HNRNPD: variants seen among roughly 807,000 people sequenced by gnomAD.
The protein encoded by HNRNPD is heterogeneous nuclear ribonucleoprotein D0.
HNRNPD carries 3 observed loss-of-function variants against 47.9 expected under a neutral mutation model. That is an observed-to-expected ratio of 0.06 (90% CI 0.03 to 0.16). The LOEUF is 0.16. HNRNPD is among the 10% of genes least tolerant of loss of function. The probability of loss-of-function intolerance (pLI) is 1.00; values close to 1 mark genes in which losing one functional copy is unlikely to be tolerated. For missense variants in HNRNPD, 287 were observed against 454.2 expected (o/e 0.63, Z 3.35); for synonymous variants, 171 against 165.1 (o/e 1.04, Z -0.28).
At chr4:82,360,473 A>T (rs1723916707) in intron 2 of HNRNPD, among the ~76,000 whole-genome samples, 1 of 151,994 alleles carries the variant, frequency 6.6e-6, no homozygotes, top group Non-Finnish European at 1.5e-5. Flanking sequence ...TTTGTACAAA[A>T]ATAAATAAAT....
intron 1 of HNRNPD, 34 bp downstream of exon 1, chr4:82,373,412 T>A: frequency 6.4e-7 from 1 of 1,552,232 alleles, no homozygotes; most frequent in Non-Finnish European, 8.7e-7. Flanking sequence ...GGGGACTAGT[T>A]GGGCCTGACT....
At position 82,357,495 on chromosome 4, in the gene HNRNPD, TAAAAG is replaced by T. The variant is rs765053829; in HGVS notation, c.622-56_622-52del. 3.3e-6 allele frequency: 5 copies of T among 1,503,594 alleles called. No homozygotes were observed. In the African/African-American group the frequency reaches 4.2e-5, roughly 13 times the overall value. 93.1% of individuals were successfully genotyped at this position (1,503,594 alleles called of 1,614,324 possible). ...ATGCTAACATGCATTTTATTGACCT[TAAAAG>T]AAACACAAGTTTAGAGGGGGGAAAA... On this transcript the variant is annotated intron_variant, in intron 4 of 8. Transcript: ENST00000313899.
At chr4:82,369,988 C>CA (rs1560439808) in intron 2 of HNRNPD, among the ~76,000 whole-genome samples, 4 of 152,040 alleles carry the variant, frequency 2.6e-5, no homozygotes, top group Non-Finnish European at 5.9e-5. Flanking sequence ...ACTAAAAATA[C>CA]AAAATTAGCC....
chr4:82,366,811 T>C (rs1220750776), intron 2 of HNRNPD, among the ~76,000 whole-genome samples: 1 of 152,164 alleles, frequency 6.6e-6, no homozygotes, highest in Non-Finnish European at 1.5e-5. Flanking sequence ...TCCACCCATC[T>C]TGGCCTCCCA....
At chr4:82,358,578 CAA>C in intron 4 of HNRNPD, 79 bp downstream of exon 4, 3 of 1,293,770 alleles carry the variant, frequency 2.3e-6, no homozygotes, top group Non-Finnish European at 3.2e-6. Flanking sequence ...TTTGAAAAGC[CAA>C]GTGACTCTGA....
chr4:82,372,809 G>A (rs920047788), intron 1 of HNRNPD, among the ~76,000 whole-genome samples: 2 of 152,192 alleles, frequency 1.3e-5, no homozygotes, highest in African/African-American at 4.8e-5. Context: ...ATGTCAAAAT[G>A]TAGGGCCTGT....
intron 2 of HNRNPD, among the ~76,000 whole-genome samples, chr4:82,370,840 C>G (rs779956868): frequency 2.8e-4 from 43 of 152,212 alleles, no homozygotes; most frequent in Non-Finnish European, 4.4e-4. Flanking sequence ...AACCTACCAG[C>G]CTCCAAAGAG....
intron 4 of HNRNPD, chr4:82,358,353 A>C: frequency 3.9e-6 from 1 of 253,848 alleles, no homozygotes; most frequent in Non-Finnish European, 7.5e-6. Flanking sequence ...TCCTATTTTC[A>C]ACAAAAGTCT....
chr4:82,367,150 G>A (rs1719805906), intron 2 of HNRNPD, among the ~76,000 whole-genome samples: 1 of 151,390 alleles, frequency 6.6e-6, no homozygotes, highest in Non-Finnish European at 1.5e-5. Flanking sequence ...TTACAGGCAC[G>A]AGCCACTACT....
At chr4:82,363,119 C>T (rs1361928013) in intron 2 of HNRNPD, among the ~76,000 whole-genome samples, 10 of 151,788 alleles carry the variant, frequency 6.6e-5, no homozygotes, top group African/African-American at 2.2e-4. Flanking sequence ...CTCTGTCGCC[C>T]GGGCTGGAGT....
At chr4:82,373,253 G>A (rs1017693667) in intron 1 of HNRNPD, 193 bp downstream of exon 1, 15 of 770,188 alleles carry the variant, frequency 1.9e-5, no homozygotes, top group Middle Eastern at 2.6e-4. Context: ...GGGGAGGGGG[G>A]CGATAAGCAG....
At chr4:82,358,947 A>G in intron 3 of HNRNPD, 127 bp from the exon 4 acceptor site, 1 of 702,584 alleles carries the variant, frequency 1.4e-6, no homozygotes. Flanking sequence ...TCAAGATTAA[A>G]CTGTCAAGTC....
Position 82,357,447 on chromosome 4 carries a change from G to C in HNRNPD, c.622-3C>G, listed in dbSNP as rs1723762699. 1.3e-6 allele frequency: 2 copies of C among 1,587,390 alleles called. No homozygotes were observed. The highest frequency in any genetic ancestry group is 8.5e-7 in the Non-Finnish European group (1 of 1,172,260). ...ATGGGGAGCTCTATGGATTCCACCT[G>C]GTATTAAAAAACAAATTTTAATATG... On this transcript the variant is annotated splice_polypyrimidine_tract_variant and splice_region_variant and intron_variant, in intron 4 of 8. Transcript: ENST00000313899.
chr4:82,369,136 C>A (rs1398548473), intron 2 of HNRNPD, among the ~76,000 whole-genome samples: 1 of 152,196 alleles, frequency 6.6e-6, no homozygotes, highest in Non-Finnish European at 1.5e-5. Context: ...ACTCTGCCCT[C>A]AGAGAGCTTG....
intron 8 of HNRNPD, chr4:82,354,940 A>G (rs1346922174): frequency 4.3e-6 from 1 of 232,078 alleles, no homozygotes; most frequent in Non-Finnish European, 8.4e-6. Flanking sequence ...CCCTGTCCGC[A>G]TTGAGCGGGC....
intron 2 of HNRNPD, 36 bp downstream of exon 2, chr4:82,371,492 C>T: frequency 6.5e-7 from 1 of 1,543,280 alleles, no homozygotes; most frequent in Non-Finnish European, 8.9e-7. Context: ...ACTACTGAAA[C>T]CTTTATAATA....
At position 82,373,896 on chromosome 4, in the gene HNRNPD, T is replaced by C. The variant is rs964668698; in HGVS notation, c.-218A>G. 6 of 1,093,562 alleles carry C rather than the reference T, an allele frequency of 5.5e-6. No individual in the cohort carries two copies. The highest frequency in any genetic ancestry group is 1.7e-5 in the African/African-American group (1 of 59,696). 67.7% of individuals were successfully genotyped at this position (1,093,562 alleles called of 1,614,324 possible). On this transcript the variant is annotated 5_prime_UTR_variant, in exon 1 of 9. Coordinates refer to ENST00000313899, the MANE Select transcript of HNRNPD (RefSeq NM_031370.3). The stretch of plus-strand genomic sequence containing the variant: ...TCGCGCGGCGCACACTCCCGCTCTC[T>C]CCCGCTGCACTAAAAAAGAATAAGC...
intron 2 of HNRNPD, among the ~76,000 whole-genome samples, chr4:82,367,159 C>T (rs910223392): frequency 1.3e-5 from 2 of 151,664 alleles, no homozygotes; most frequent in East Asian, 1.9e-4. Context: ...CGAGCCACTA[C>T]TTTAATTAAC....
At chr4:82,370,208 G>A (rs1719968365) in intron 2 of HNRNPD, among the ~76,000 whole-genome samples, 1 of 151,866 alleles carries the variant, frequency 6.6e-6, no homozygotes, top group African/African-American at 2.4e-5. Context: ...TATCTAGAAT[G>A]TTTATTAACT....
Sources: gnomAD v4.1 joint callset for allele counts (sites outside exome capture counted in the v4.1 genomes callset) on GRCh38, gnomAD v4.1.1 for gene constraint, MANE v1.5 for transcripts, NCBI Gene and HGNC (gene_info 2026-07-23, HGNC 2026-07-21) for gene names.